AAK1: variants seen among roughly 807,000 people sequenced by gnomAD.
The protein encoded by AAK1 is AP2-associated protein kinase 1.
AAK1 carries 37 observed loss-of-function variants against 116.0 expected under a neutral mutation model. The observed-to-expected ratio is 0.32, with a 90% CI of 0.25 to 0.42. The LOEUF (loss-of-function observed/expected upper bound fraction) is 0.42, where lower values mean the gene tolerates loss of function less well. Ranked by LOEUF, AAK1 falls within the 10% of genes least tolerant of loss-of-function variation. AAK1 has a pLI of 1.00. For synonymous variants in AAK1, 458 were observed against 439.9 expected, an observed-to-expected ratio of 1.04 and a Z score of -0.51; for missense variants, 919 against 1,170.6, an observed-to-expected ratio of 0.79 and a Z score of 3.14.
At chr2:69,623,462 T>C (rs1674757117) in intron 2 of AAK1, among the ~76,000 whole-genome samples, 1 of 152,116 alleles carries the variant, frequency 6.6e-6, no homozygotes. Context: ...CTCAGCTCCC[T>C]CTGGTCACCC....
intron 2 of AAK1, among the ~76,000 whole-genome samples, chr2:69,601,853 G>C (rs1673594683): frequency 6.6e-6 from 1 of 152,104 alleles, no homozygotes; most frequent in Admixed American, 6.6e-5. Context: ...TATATACAAA[G>C]TATCACCCTA....
intron 13 of AAK1, among the ~76,000 whole-genome samples, chr2:69,511,389 T>C (rs1676389471): frequency 6.6e-6 from 1 of 152,166 alleles, no homozygotes; most frequent in African/African-American, 2.4e-5. Context: ...AATGTTACAA[T>C]ATAAGGTTCT....
chr2:69,594,625 T>C (rs1282706210), intron 2 of AAK1: 6 of 521,480 alleles, frequency 1.2e-5, no homozygotes, highest in Middle Eastern at 5.5e-4. Flanking sequence ...TGAGGCCTCT[T>C]GTACCAAACA....
intron 3 of AAK1, among the ~76,000 whole-genome samples, chr2:69,546,870 A>C (rs1670947954): frequency 6.6e-6 from 1 of 152,036 alleles, no homozygotes; most frequent in Non-Finnish European, 1.5e-5. Flanking sequence ...GGAAATAAGG[A>C]GCTTGCTCCA....
chr2:69,575,156 T>C (rs1672253681), intron 2 of AAK1, among the ~76,000 whole-genome samples: 1 of 151,832 alleles, frequency 6.6e-6, no homozygotes. Flanking sequence ...TCTATGAAAA[T>C]ACATTTTTGG....
intron 5 of AAK1, among the ~76,000 whole-genome samples, 199 bp from the exon 6 acceptor site, chr2:69,532,361 G>A (rs1418119897): frequency 6.6e-6 from 1 of 152,174 alleles, no homozygotes; most frequent in African/African-American, 2.4e-5. Flanking sequence ...AGGGAAAAGT[G>A]GGTGGAGAGG....
At chr2:69,547,617 T>C (rs768329095) in intron 3 of AAK1, among the ~76,000 whole-genome samples, 233 of 152,186 alleles carry the variant, frequency 1.5e-3, no homozygotes, top group Non-Finnish European at 2.9e-3. Flanking sequence ...ATAAAAAATA[T>C]TGGCAAGGAG....
chr2:69,536,864 T>G (rs961968154), intron 5 of AAK1, among the ~76,000 whole-genome samples: 1 of 152,214 alleles, frequency 6.6e-6, no homozygotes, highest in African/African-American at 2.4e-5. Flanking sequence ...AACCTGTGTT[T>G]CTAAAAATGG....
intron 2 of AAK1, among the ~76,000 whole-genome samples, chr2:69,587,473 A>ATT (rs201115417): frequency 5.8e-4 from 84 of 145,576 alleles, no homozygotes; most frequent in African/African-American, 1.9e-3. Flanking sequence ...ATATATATAT[A>ATT]TATATTTTTT....
rs570332887 is a variant in AAK1 at position 69,636,870 on chromosome 2, TTG to T, written c.163+6006_163+6007del. 3.3e-5 allele frequency among the ~76,000 whole-genome samples: 5 copies of T among 152,246 alleles called. No homozygotes were observed. In the South Asian group the frequency reaches 1.0e-3, roughly 32 times the overall value. On this transcript the variant is annotated intron_variant, in intron 2 of 21. Coordinates refer to ENST00000409085, the MANE Select transcript of AAK1 (RefSeq NM_014911.5). ...AGCCGCCACCACGCCCGGCTAATTTTTGTGTGTTTACTAGAGACGAGGTTTCA... is the reference window on the plus strand; with the variant it reads ...AGCCGCCACCACGCCCGGCTAATTTTTGTGTTTACTAGAGACGAGGTTTCA...
chr2:69,473,013 T>C lies in AAK1; in HGVS notation c.*2856A>G. 1 of 976,350 alleles carries C rather than the reference T, an allele frequency of 1.0e-6. No individual in the cohort carries two copies. The highest frequency in any genetic ancestry group is 1.2e-6 in the Non-Finnish European group (1 of 821,220). 60.5% of individuals were successfully genotyped at this position (976,350 alleles called of 1,614,324 possible). A position where few individuals can be genotyped will look rare whatever the true frequency, so the allele number is the denominator to read the frequency against. On this transcript the variant is annotated 3_prime_UTR_variant, in exon 22 of 22. Coordinates refer to ENST00000409085, the MANE Select transcript of AAK1 (RefSeq NM_014911.5). ...AGATAACTGAAGAACATCAGGATTA[T>C]ATAAATCCTTCATAGCCCTTCTCAA...
intron 17 of AAK1, among the ~76,000 whole-genome samples, chr2:69,488,133 AACGTGTGTGTGTGG>A (rs1157728668): frequency 1.4e-5 from 2 of 139,288 alleles, no homozygotes; most frequent in South Asian, 2.4e-4. Flanking sequence ...CCAGACTCTA[AACGTGTGTGTGTGG>A]ACGTGTGTGT....
Position 69,460,469 on chromosome 2 carries a change from A to G in AAK1, c.*15400T>C, listed in dbSNP as rs1674312153. The G allele has an allele frequency of 6.6e-6, 1 of 152,608 alleles. No homozygotes were observed. The highest frequency in any genetic ancestry group is 2.4e-5 in the African/African-American group (1 of 41,456). The allele number at this position is 152,608 out of a possible 1,614,324, so 9.5% of individuals were successfully genotyped here. ...TGCATCAGTGAAATGTCCACCAAGC[A>G]GTTGAAAACACTGATGTACATGTAT... is the stretch of plus-strand genomic sequence containing the variant. On this transcript the variant is annotated 3_prime_UTR_variant, in exon 22 of 22. Coordinates refer to ENST00000409085, the MANE Select transcript of AAK1 (RefSeq NM_014911.5).
chr2:69,547,375 T>C (rs1670972110), intron 3 of AAK1, among the ~76,000 whole-genome samples: 2 of 152,186 alleles, frequency 1.3e-5, no homozygotes, highest in African/African-American at 4.8e-5. Flanking sequence ...GATAAGGATT[T>C]AGTGTCCAGA....
At chr2:69,572,566 C>T (rs964292468) in intron 2 of AAK1, among the ~76,000 whole-genome samples, 2 of 148,822 alleles carry the variant, frequency 1.3e-5, no homozygotes, top group African/African-American at 5.0e-5. Flanking sequence ...TTGCAGTGAG[C>T]CGAGATCATG....
chr2:69,489,558 T>C, intron 17 of AAK1, among the ~76,000 whole-genome samples: 1 of 149,360 alleles, frequency 6.7e-6, no homozygotes. Context: ...GCAGGAGGAG[T>C]AGAACGGCAG....
intron 2 of AAK1, among the ~76,000 whole-genome samples, chr2:69,610,871 C>A (rs1412031708): frequency 6.6e-6 from 1 of 152,146 alleles, no homozygotes; most frequent in African/African-American, 2.4e-5. Flanking sequence ...CAGAAAATAA[C>A]AAGTTTTGGT....
At chr2:69,569,249 C>T (rs947860209) in intron 2 of AAK1, among the ~76,000 whole-genome samples, 1 of 152,132 alleles carries the variant, frequency 6.6e-6, no homozygotes, top group Non-Finnish European at 1.5e-5. Context: ...TTCAAACATA[C>T]AGTAAAGTTG....
At chr2:69,621,285 C>T (rs566504423) in intron 2 of AAK1, among the ~76,000 whole-genome samples, 5 of 152,208 alleles carry the variant, frequency 3.3e-5, no homozygotes, top group South Asian at 2.1e-4. Context: ...AGACCAGCTT[C>T]GCCAACATGG....
Sources: allele counts gnomAD v4.1 joint callset (sites outside exome capture counted in the v4.1 genomes callset), GRCh38; gene constraint gnomAD v4.1.1; transcripts MANE v1.5; gene names NCBI Gene and HGNC (gene_info 2026-07-23, HGNC 2026-07-21).